The following GALNTL6 variants were observed in gnomAD, a reference collection of about 807,000 sequenced individuals.
The protein encoded by GALNTL6 is polypeptide N-acetylgalactosaminyltransferase-like 6.
In GALNTL6, 46 loss-of-function variants were observed where a neutral mutation model predicts 73.7. That is an observed-to-expected ratio of 0.62 (90% CI 0.49 to 0.80). GALNTL6 has a LOEUF of 0.80. Ranked by LOEUF, GALNTL6 falls within the 30% of genes least tolerant of loss-of-function variation. The pLI is 0.00. For synonymous variants in GALNTL6, 259 were observed against 263.7 expected (o/e 0.98, Z 0.17); for missense variants, 604 against 755.0 (o/e 0.80, Z 2.34).
chr4:172,635,389 A>C (rs1739623061), intron 5 of GALNTL6, among the ~76,000 whole-genome samples: 1 of 152,176 alleles, frequency 6.6e-6, no homozygotes, highest in Admixed American at 6.5e-5. Context: ...ATTTAAAAGT[A>C]GGAATTATTA....
At chr4:172,597,806 A>G (rs1167428739) in intron 5 of GALNTL6, among the ~76,000 whole-genome samples, 1 of 152,146 alleles carries the variant, frequency 6.6e-6, no homozygotes, top group African/African-American at 2.4e-5. Context: ...GGGACATTAA[A>G]TCACACAAAA....
intron 5 of GALNTL6, among the ~76,000 whole-genome samples, chr4:172,371,518 A>G (rs1742808117): frequency 6.6e-6 from 1 of 151,620 alleles, no homozygotes; most frequent in African/African-American, 2.4e-5. Context: ...TTTCTTTACT[A>G]TTTCTCTCTC....
chr4:172,933,468 G>A (rs1748457509), intron 9 of GALNTL6, among the ~76,000 whole-genome samples: 1 of 151,898 alleles, frequency 6.6e-6, no homozygotes, highest in Non-Finnish European at 1.5e-5. Context: ...AAACTTCCAG[G>A]AAAAAGTGAA....
intron 7 of GALNTL6, among the ~76,000 whole-genome samples, chr4:172,837,044 C>T (rs560230673): frequency 2.6e-5 from 4 of 152,240 alleles, no homozygotes; most frequent in East Asian, 3.9e-4. Flanking sequence ...CTACATTATA[C>T]GATTTTCATT....
intron 3 of GALNTL6, among the ~76,000 whole-genome samples, chr4:172,275,673 A>G (rs1738802894): frequency 6.6e-6 from 1 of 152,198 alleles, no homozygotes; most frequent in Non-Finnish European, 1.5e-5. Flanking sequence ...AGTTAAGATC[A>G]TTAGCTGGGT....
chr4:172,146,135 T>C (rs1733921598), intron 2 of GALNTL6, among the ~76,000 whole-genome samples: 1 of 152,272 alleles, frequency 6.6e-6, no homozygotes, highest in East Asian at 1.9e-4. Context: ...AAAGGAAGAA[T>C]AGAATTCCCT....
intron 3 of GALNTL6, among the ~76,000 whole-genome samples, chr4:172,283,111 G>T (rs973486369): frequency 6.6e-6 from 1 of 152,088 alleles, no homozygotes; most frequent in Non-Finnish European, 1.5e-5. Context: ...ACATCTCTGC[G>T]ATCAACACTT....
At chr4:172,947,999 C>T (rs1749255894) in intron 9 of GALNTL6, among the ~76,000 whole-genome samples, 1 of 152,174 alleles carries the variant, frequency 6.6e-6, no homozygotes, top group Non-Finnish European at 1.5e-5. Flanking sequence ...TTTATGATTC[C>T]AGTGACAAAC....
chr4:171,934,590 A>G (rs1738286061), intron 2 of GALNTL6, among the ~76,000 whole-genome samples: 1 of 151,666 alleles, frequency 6.6e-6, no homozygotes. Context: ...ATTTTTTTGT[A>G]TTTTTTGTAG....
At chr4:172,518,091 C>G (rs1039506865) in intron 5 of GALNTL6, among the ~76,000 whole-genome samples, 8 of 150,596 alleles carry the variant, frequency 5.3e-5, no homozygotes, top group Non-Finnish European at 1.5e-5. Context: ...ATCGTGCTTT[C>G]TTTTTTTTTC....
In GALNTL6 at chr4:172,711,325, C is replaced by T. The variant is rs2111325594; in HGVS notation, c.554-98036C>T. On this transcript the variant is annotated intron_variant, in intron 5 of 12. Coordinates refer to ENST00000506823, the MANE Select transcript of GALNTL6 (RefSeq NM_001034845.3). ...GGGTTCTGTAAACGTATAGAGATTA[C>T]TGCGGCTGAAGCTGAGTCAATGAAG... Among the ~76,000 whole-genome samples the T allele has an allele frequency of 2.0e-5, 3 of 152,228 alleles. No homozygotes were observed. In the Middle Eastern group the frequency reaches 0.01, roughly 518 times the overall value.
intron 5 of GALNTL6, among the ~76,000 whole-genome samples, chr4:172,799,209 G>A (rs1020869213): frequency 6.6e-6 from 1 of 152,268 alleles, no homozygotes; most frequent in East Asian, 1.9e-4. Flanking sequence ...AGGCATGCAG[G>A]GAAGAACTGG....
rs145892376 is a variant in GALNTL6 at position 171,941,316 on chromosome 4, T to G, written c.138+126598T>G. On this transcript the variant is annotated intron_variant, in intron 2 of 12. Transcript: ENST00000506823. The stretch of plus-strand genomic sequence containing the variant: ...TACCATTTGATCTTCACCCTTTATT[T>G]GAAAAAAAAGAAAAATTAGCCTATG... 5.6e-3 allele frequency among the ~76,000 whole-genome samples: 859 copies of G among 152,280 alleles called. 8 individuals are homozygous for G. The highest frequency in any genetic ancestry group is 0.012 in the Admixed American group (188 of 15,284).
chr4:172,891,897 A>C (rs1255734309), intron 8 of GALNTL6, among the ~76,000 whole-genome samples: 1 of 151,546 alleles, frequency 6.6e-6, no homozygotes, highest in African/African-American at 2.4e-5. Flanking sequence ...TCCTCAGCTT[A>C]CTCTAGTCTT....
chr4:172,985,154 G>A (rs1317902128), intron 10 of GALNTL6, among the ~76,000 whole-genome samples: 1 of 152,102 alleles, frequency 6.6e-6, no homozygotes. Context: ...GATGAGTCTG[G>A]ATTCGAGGAA....
In GALNTL6 at chr4:172,365,057, T is replaced by C. The variant is rs1289782078; in HGVS notation, c.553+16368T>C. Among the ~76,000 whole-genome samples the C allele has an allele frequency of 2.0e-5, 3 of 152,120 alleles. No individual in the cohort carries two copies. The East Asian group carries it at 5.8e-4, about 29-fold the overall frequency. On this transcript the variant is annotated intron_variant, in intron 5 of 12. Transcript: ENST00000506823. ...AGTTAAAGAGGAAAAACATGAAAAA[T>C]GACTCAACAGTAAAAGACAGGTTTA...
chr4:172,766,621 C>T (rs889148441), intron 5 of GALNTL6, among the ~76,000 whole-genome samples: 22 of 152,130 alleles, frequency 1.4e-4, no homozygotes, highest in African/African-American at 4.6e-4. Flanking sequence ...TGTCTAGATA[C>T]ATAAAAGCAG....
chr4:172,304,591 G>A (rs559188762), intron 3 of GALNTL6, among the ~76,000 whole-genome samples: 17 of 152,180 alleles, frequency 1.1e-4, no homozygotes, highest in Non-Finnish European at 2.1e-4. Context: ...CTCAGAAGAA[G>A]TGTAAAAACA....
At chr4:172,065,464 A>G (rs1731330071) in intron 2 of GALNTL6, among the ~76,000 whole-genome samples, 1 of 152,178 alleles carries the variant, frequency 6.6e-6, no homozygotes, top group African/African-American at 2.4e-5. Context: ...AACCTGAAAA[A>G]TATTTGAAAT....
Sources: allele counts gnomAD v4.1 joint callset (sites outside exome capture counted in the v4.1 genomes callset), GRCh38; gene constraint gnomAD v4.1.1; transcripts MANE v1.5; gene names NCBI Gene and HGNC (gene_info 2026-07-23, HGNC 2026-07-21).